Variants in ORC1 observed in about 807,000 individuals in gnomAD.
ORC1 encodes origin recognition complex, subunit 1 homolog.
Under a neutral mutation model 98.9 loss-of-function variants are expected in ORC1, and 61 were observed. The observed-to-expected ratio is 0.62, with a 90% CI of 0.50 to 0.76. The LOEUF (loss-of-function observed/expected upper bound fraction) is 0.76. ORC1 is among the 30% of genes least tolerant of loss of function. The pLI is 0.00. For synonymous variants in ORC1, 385 were observed against 406.9 expected (o/e 0.95, Z 0.65); for missense variants, 979 against 1,072.2 (o/e 0.91, Z 1.21).
rs1426753084 is a variant in ORC1 at position 52,375,553 on chromosome 1, C to G, written c.2180G>C (p.Arg727Thr). 1 of 1,614,066 alleles carries G rather than the reference C, an allele frequency of 6.2e-7. No homozygotes were observed. Among genetic ancestry groups the G allele is most frequent in the East Asian group, 2.2e-5 (1 of 44,896 alleles). ...GAACTCACAGATCTCTGTGGCACGC[C>G]TGCAGATGTCCAGGCACCGTCGTGC... ...GDARRCLDIC[R>T]RATEICEFSQ... Residue 727 changes from arginine (R) to threonine (T), a missense_variant, in exon 15 of 17, where the codon AGG (arginine) becomes ACG (threonine). Arg to Thr is a moderately conservative substitution (Grantham distance 71, BLOSUM62 -1). Transcript: ENST00000371568.
At chr1:52,408,187 C>G, upstream of ORC1, 1 of 345,970 alleles carries the variant, frequency 2.9e-6, no homozygotes, top group Non-Finnish European at 5.6e-6. Flanking sequence ...TTGCAGTGAG[C>G]CAAGATCGTG....
chr1:52,373,313 C>A lies in ORC1; in HGVS notation c.2454G>T (p.Glu818Asp). 1 of 1,614,176 alleles carries A rather than the reference C, an allele frequency of 6.2e-7. No individual in the cohort carries two copies. The highest frequency in any genetic ancestry group is 1.1e-5 in the South Asian group (1 of 91,078). ...MEGLPYPTMS[E>D]TMAVCSHLGS... The stretch of plus-strand genomic sequence containing the variant: ...CCAGGTGAGAACACACGGCCATGGT[C>A]TCTGACATGGTGGGGTACGGCAGTC... Residue 818 changes from glutamate to aspartate, a missense_variant, in exon 17 of 17, where the codon GAG (glutamate) becomes GAT (aspartate). Transcript: ENST00000371568.
chr1:52,378,902 G>A (rs1261141193), intron 14 of ORC1, among the ~76,000 whole-genome samples: 1 of 151,188 alleles, frequency 6.6e-6, no homozygotes, highest in African/African-American at 2.4e-5. Flanking sequence ...GCATGTTGGC[G>A]GGCACCTGTA....
In ORC1 at chr1:52,385,194, A is replaced by G; in HGVS notation, c.1550T>C (p.Phe517Ser). 1.2e-6 allele frequency: 2 copies of G among 1,613,996 alleles called. No individual in the cohort carries two copies. Among genetic ancestry groups the G allele is most frequent in the South Asian group, 1.1e-5 (1 of 91,076 alleles). The change falls in exon 10 of 17, where the codon TTT becomes TCT. Residue 517 changes from phenylalanine to serine, a missense_variant. Phe to Ser is a radical substitution (Grantham distance 155). Transcript: ENST00000371568. Reference sequence around the variant, plus strand: ...ATGGTCAAGGAGTTTGCTTTCCACAAAATTGTAGATGTCTTGGAATTCCTG... The same window carrying G: ...ATGGTCAAGGAGTTTGCTTTCCACAGAATTGTAGATGTCTTGGAATTCCTG... ...REQEFQDIYN[F>S]VESKLLDHTG...
chr1:52,404,964 T>C (rs983107167), upstream of ORC1: 17 of 1,513,080 alleles, frequency 1.1e-5, no homozygotes, highest in Non-Finnish European at 1.5e-5. Context: ...GCGACTGGCC[T>C]CTGGGGGTGG....
chr1:52,383,816 C>G lies in ORC1; in HGVS notation c.1863+14G>C, dbSNP rs765267162. ...AGCCCTGTTTCTTCTCCTGTCCGCC[C>G]ATGGGCACCTCACCTCATCCACAAG... On this transcript the variant is annotated intron_variant, in intron 12 of 16. Transcript: ENST00000371568. 3.1e-6 allele frequency: 5 copies of G among 1,603,506 alleles called. No individual in the cohort carries two copies. The highest frequency in any genetic ancestry group is 1.7e-5 in the Admixed American group (1 of 60,002).
At chr1:52,388,235 C>T (rs1242490728) in intron 8 of ORC1, among the ~76,000 whole-genome samples, 1 of 152,132 alleles carries the variant, frequency 6.6e-6, no homozygotes, top group Non-Finnish European at 1.5e-5. Flanking sequence ...AAGGGACTTA[C>T]CTCAAAAATC....
Position 52,402,142 on chromosome 1 carries a change from A to C in ORC1, c.82T>G (p.Tyr28Asp). 2 of 1,613,514 alleles carry C rather than the reference A, an allele frequency of 1.2e-6. No homozygotes were observed. The highest frequency in any genetic ancestry group is 1.7e-6 in the Non-Finnish European group (2 of 1,179,408). The change falls in exon 2 of 17, where the codon TAC becomes GAC. Residue 28 changes from tyrosine to aspartate, a missense_variant. By Grantham distance (160) the Tyr-to-Asp change is radical (BLOSUM62 -3). Transcript: ENST00000371568. Reference protein sequence around the residue: ...GRPLLDRKLHYQTYREMCVKT... With the variant: ...GRPLLDRKLHDQTYREMCVKT... ...CCCATCACTCACCTATAGGTTTGGT[A>C]GTGCAGTTTTCGATCCAACAAGGGC...
At chr1:52,382,908 C>A (rs573384515) in intron 13 of ORC1, among the ~76,000 whole-genome samples, 9 of 151,776 alleles carry the variant, frequency 5.9e-5, no homozygotes, top group Non-Finnish European at 1.3e-4. Context: ...AATAATTAAA[C>A]CTCCATGGTT....
chr1:52,376,026 CGT>C (rs968657913), intron 14 of ORC1, among the ~76,000 whole-genome samples: 3 of 152,158 alleles, frequency 2.0e-5, no homozygotes, highest in Admixed American at 1.3e-4. Flanking sequence ...CCTTACAGCA[CGT>C]GGTGAATTTG....
intron 3 of ORC1, among the ~76,000 whole-genome samples, chr1:52,399,392 A>AGGCG (rs1647583229): frequency 6.6e-6 from 1 of 152,152 alleles, no homozygotes; most frequent in South Asian, 2.1e-4. Flanking sequence ...TGGGAGGCTG[A>AGGCG]GGCGGGCGGA....
At position 52,396,311 on chromosome 1, in the gene ORC1, C is replaced by T. The variant is rs146784241; in HGVS notation, c.456G>A (p.Lys152=). 384 of 1,614,074 alleles carry T rather than the reference C, an allele frequency of 2.4e-4. 1 individual carries two copies. In the African/African-American group the frequency reaches 4.5e-3, roughly 19 times the overall value. The change falls in exon 5 of 17, where the codon AAG becomes AAA. Residue 152 remains lysine, a synonymous_variant. Transcript: ENST00000371568. Reference sequence around the variant, plus strand: ...TCCAGGATAGTTTCACAAAGAGTGTCTTCTCATTTTTCAGATTCGTCGGTA... The same window carrying T: ...TCCAGGATAGTTTCACAAAGAGTGTTTTCTCATTTTTCAGATTCGTCGGTA... The part of the protein sequence containing the change: ...DVVPTNLKNE[K]TLFVKLSWNE...
chr1:52,404,646 A>C (rs980043414), upstream of ORC1: 5 of 1,316,846 alleles, frequency 3.8e-6, no homozygotes, highest in Admixed American at 2.2e-5. Flanking sequence ...TAAGCTGTTT[A>C]GTGAAACTTC....
upstream of ORC1, among the ~76,000 whole-genome samples, chr1:52,406,146 G>T (rs529991852): frequency 6.6e-6 from 1 of 151,756 alleles, no homozygotes; most frequent in Non-Finnish European, 1.5e-5. Flanking sequence ...GTGCCATCAC[G>T]CCTGGCTAAT....
At chr1:52,373,500 C>T (rs1485736171) in intron 16 of ORC1, 125 bp from the exon 17 acceptor site, 3 of 804,070 alleles carry the variant, frequency 3.7e-6, no homozygotes, top group South Asian at 1.5e-5. Context: ...CTCCAGAAGG[C>T]ATCAGTTGGT....
intron 6 of ORC1, among the ~76,000 whole-genome samples, chr1:52,390,806 C>T (rs148347136): frequency 0.012 from 1,804 of 150,746 alleles, 46 homozygotes; most frequent in African/African-American, 0.043. Context: ...GCAGGAGAAT[C>T]GCTTGAACCC....
At chr1:52,384,525 A>G (rs1348554925) in intron 11 of ORC1, 25 bp downstream of exon 11, 13 of 1,610,834 alleles carry the variant, frequency 8.1e-6, no homozygotes, top group Non-Finnish European at 1.1e-5. Flanking sequence ...AGCATTTTCC[A>G]AAAAGCCTAA....
At chr1:52,405,575 T>TA, upstream of ORC1, 2 of 990,748 alleles carry the variant, frequency 2.0e-6, no homozygotes, top group Non-Finnish European at 1.5e-6. Flanking sequence ...TCTCCTAATA[T>TA]TACACTGTTG....
chr1:52,393,209 G>T (rs1057309879), intron 6 of ORC1, among the ~76,000 whole-genome samples: 1 of 152,170 alleles, frequency 6.6e-6, no homozygotes, highest in Non-Finnish European at 1.5e-5. Flanking sequence ...TAACAGCTCG[G>T]TATACTGGAA....
Sources: allele counts gnomAD v4.1 joint callset (sites outside exome capture counted in the v4.1 genomes callset), GRCh38; gene constraint gnomAD v4.1.1; transcripts MANE v1.5; gene names NCBI Gene and HGNC (gene_info 2026-07-23, HGNC 2026-07-21).